Variants in MINDY3 observed in about 807,000 individuals in gnomAD.
The protein encoded by MINDY3 is MINDY lysine 48 deubiquitinase 3.
In MINDY3, 38 loss-of-function variants were observed where a neutral mutation model predicts 69.2. The ratio of observed to expected loss-of-function variants is 0.55; its 90% CI spans 0.42 to 0.72. The LOEUF (loss-of-function observed/expected upper bound fraction) is 0.72, where lower values mean the gene tolerates loss of function less well. Among genes scored for constraint, MINDY3 ranks in the 30% least tolerant of loss-of-function variants. The pLI, the probability that MINDY3 is intolerant of heterozygous loss-of-function variation, is 0.00. For synonymous variants in MINDY3, 192 were observed against 180.1 expected (o/e 1.07, Z -0.53); for missense variants, 522 against 519.0 (o/e 1.01, Z -0.06).
At position 15,841,572 on chromosome 10, in the gene MINDY3, T is replaced by C; in HGVS notation, c.263A>G (p.His88Arg). The C allele has an allele frequency of 6.2e-7, 1 of 1,609,310 alleles. No homozygotes were observed. The highest frequency in any genetic ancestry group is 1.3e-5 in the African/African-American group (1 of 74,818). Residue 88 changes from histidine (H) to arginine (R), a missense_variant, in exon 4 of 15, where the codon CAT (histidine) becomes CGT (arginine). Coordinates refer to ENST00000277632, the MANE Select transcript of MINDY3 (RefSeq NM_024948.4). ...ACTTTCTAAAATATCACACAAGGTA[T>C]GACAAAGGAGTTCCTTCTGCTCTTC... ...SEEEQKELLC[H>R]TLCDILESAC...
Position 15,783,860 on chromosome 10 carries a change from G to C in MINDY3, c.1117-1634C>G, listed in dbSNP as rs147579602. Among the ~76,000 whole-genome samples the C allele has an allele frequency of 3.3e-3, 497 of 152,228 alleles. 3 individuals carry two copies. The highest frequency in any genetic ancestry group is 0.011 in the African/African-American group (474 of 41,528). ...TTTGAACTTAAATAACCATTTTCCT[G>C]TAACTGAATATAATTTATATTCCCT... On this transcript the variant is annotated intron_variant, in intron 13 of 14. Coordinates refer to ENST00000277632, the MANE Select transcript of MINDY3 (RefSeq NM_024948.4).
At chr10:15,813,470 C>T (rs1449029324) in intron 10 of MINDY3, among the ~76,000 whole-genome samples, 1 of 152,194 alleles carries the variant, frequency 6.6e-6, no homozygotes, top group East Asian at 1.9e-4. Context: ...TAAATTCTTA[C>T]AGCATTATGG....
intron 8 of MINDY3, among the ~76,000 whole-genome samples, chr10:15,828,933 G>C (rs1840274258): frequency 6.6e-6 from 1 of 152,148 alleles, no homozygotes; most frequent in Non-Finnish European, 1.5e-5. Flanking sequence ...TACCTCTCTA[G>C]GCTTCAGTTT....
intron 11 of MINDY3, among the ~76,000 whole-genome samples, chr10:15,790,330 C>T (rs891959796): frequency 6.6e-6 from 1 of 152,052 alleles, no homozygotes; most frequent in Non-Finnish European, 1.5e-5. Context: ...GACAGATTGG[C>T]CTTGACTAAA....
In MINDY3 at chr10:15,841,617, A is replaced by G; in HGVS notation, c.236-18T>C. On this transcript the variant is annotated intron_variant, in intron 3 of 14. Transcript: ENST00000277632. ...CTCTTCCTCTAAAAATAACCAAAGCATAAGTTATAATGGTTTCCTCTGGAA... is the reference window on the plus strand; with the variant it reads ...CTCTTCCTCTAAAAATAACCAAAGCGTAAGTTATAATGGTTTCCTCTGGAA... 7 of 1,569,098 alleles carry G rather than the reference A, an allele frequency of 4.5e-6. No homozygotes were observed. The highest frequency in any genetic ancestry group is 6.1e-6 in the Non-Finnish European group (7 of 1,153,628).
At chr10:15,800,488 C>A (rs75517263) in intron 10 of MINDY3, among the ~76,000 whole-genome samples, 2 of 152,058 alleles carry the variant, frequency 1.3e-5, no homozygotes, top group Non-Finnish European at 2.9e-5. Flanking sequence ...TAATCATCTC[C>A]GCATGTGCAG....
At chr10:15,806,955 G>A (rs187512502) in intron 10 of MINDY3, among the ~76,000 whole-genome samples, 1 of 152,274 alleles carries the variant, frequency 6.6e-6, no homozygotes, top group African/African-American at 2.4e-5. Flanking sequence ...TTTCTTAAGG[G>A]AGGGAAGTAG....
intron 8 of MINDY3, among the ~76,000 whole-genome samples, chr10:15,832,771 A>G (rs1832817837): frequency 6.6e-6 from 1 of 152,174 alleles, no homozygotes; most frequent in South Asian, 2.1e-4. Context: ...CCTTAATATT[A>G]TGCCCTTTCA....
chr10:15,788,917 ATTACT>A (rs2131848674), intron 12 of MINDY3: 1 of 185,454 alleles, frequency 5.4e-6, no homozygotes, highest in Non-Finnish European at 1.1e-5. Context: ...CAGAACCGTC[ATTACT>A]TTACTGAAGA....
chr10:15,853,340 T>TATTTAC (rs1834442995), intron 1 of MINDY3, among the ~76,000 whole-genome samples: 1 of 152,076 alleles, frequency 6.6e-6, no homozygotes, highest in African/African-American at 2.4e-5. Flanking sequence ...AAGTTACAAT[T>TATTTAC]ATTTACATGA....
intron 10 of MINDY3, among the ~76,000 whole-genome samples, chr10:15,811,303 C>G (rs1588563485): frequency 6.6e-6 from 1 of 152,016 alleles, no homozygotes; most frequent in South Asian, 2.1e-4. Context: ...ATATACTATA[C>G]TACTTTCATC....
intron 10 of MINDY3, among the ~76,000 whole-genome samples, chr10:15,814,331 AG>A (rs1839209420): frequency 1.3e-5 from 2 of 152,074 alleles, no homozygotes; most frequent in South Asian, 4.1e-4. Context: ...ACTCTAAGAA[AG>A]TATCTATAGA....
At chr10:15,859,193 G>A (rs1239392096) in intron 1 of MINDY3, among the ~76,000 whole-genome samples, 1 of 152,170 alleles carries the variant, frequency 6.6e-6, no homozygotes, top group Admixed American at 6.5e-5. Flanking sequence ...GGGAGGGAGG[G>A]AGAGATTACG....
intron 3 of MINDY3, among the ~76,000 whole-genome samples, chr10:15,841,849 C>T (rs113094475): frequency 0.017 from 2,625 of 151,720 alleles, 58 homozygotes; most frequent in African/African-American, 0.057. Context: ...AAATGCAGAA[C>T]TAAACATTAT....
At chr10:15,818,959 T>G (rs1588581835) in intron 9 of MINDY3, among the ~76,000 whole-genome samples, 1 of 151,956 alleles carries the variant, frequency 6.6e-6, no homozygotes, top group African/African-American at 2.4e-5. Context: ...AATTGTATGC[T>G]TTAAAATGGT....
At chr10:15,802,468 T>C (rs1183536601) in intron 10 of MINDY3, among the ~76,000 whole-genome samples, 24 of 151,918 alleles carry the variant, frequency 1.6e-4, no homozygotes, top group Admixed American at 1.4e-3. Flanking sequence ...CAACCAGATC[T>C]CCTGAGAACT....
chr10:15,851,379 T>C (rs1222053731), intron 1 of MINDY3, among the ~76,000 whole-genome samples: 2 of 152,134 alleles, frequency 1.3e-5, no homozygotes, highest in African/African-American at 4.8e-5. Context: ...ATCTGGCTCC[T>C]GCCTGCATCT....
At chr10:15,843,867 T>C (rs924176301) in intron 2 of MINDY3, among the ~76,000 whole-genome samples, 4 of 152,236 alleles carry the variant, frequency 2.6e-5, no homozygotes, top group African/African-American at 9.6e-5. Flanking sequence ...AGTGTCTACT[T>C]CTCAAAGTGT....
chr10:15,794,404 A>G (rs1468279442), intron 11 of MINDY3, among the ~76,000 whole-genome samples: 1 of 152,166 alleles, frequency 6.6e-6, no homozygotes, highest in Admixed American at 6.6e-5. Context: ...GACTATACAC[A>G]TAGCTAAACC....
Sources: gnomAD v4.1 joint callset for allele counts (sites outside exome capture counted in the v4.1 genomes callset) on GRCh38, gnomAD v4.1.1 for gene constraint, MANE v1.5 for transcripts, NCBI Gene and HGNC (gene_info 2026-07-23, HGNC 2026-07-21) for gene names.